Variants in BABAM2 observed in about 807,000 individuals in gnomAD.
The protein encoded by BABAM2 is BRISC and BRCA1 A complex member 2.
BABAM2 carries 31 observed loss-of-function variants against 54.7 expected under a neutral mutation model. The observed-to-expected ratio is 0.57, with a 90% CI of 0.43 to 0.77. BABAM2 has a LOEUF of 0.77. BABAM2 is among the 30% of genes least tolerant of loss of function. The pLI is 0.00. For missense variants in BABAM2, 364 were observed against 455.8 expected (o/e 0.80, Z 1.83); for synonymous variants, 167 against 162.9 (o/e 1.03, Z -0.19).
chr2:27,953,621 A>G (rs1669899669), intron 3 of BABAM2, among the ~76,000 whole-genome samples: 1 of 151,888 alleles, frequency 6.6e-6, no homozygotes, highest in South Asian at 2.1e-4. Context: ...CATCTACATT[A>G]ATATCATTAC....
At position 27,969,299 on chromosome 2, in the gene BABAM2, C is replaced by T. The variant is rs572877576; in HGVS notation, c.206-18694C>T. On this transcript the variant is annotated intron_variant, in intron 3 of 11. Transcript: ENST00000379624. ...ATCTTGGGTATGTCTTTATCAGCAG[C>T]ATGAAAACGGACTAATATAGGAGGT... Among the ~76,000 whole-genome samples, 9 of 152,154 alleles carry T rather than the reference C, an allele frequency of 5.9e-5. No homozygotes were observed. In the East Asian group the frequency reaches 1.7e-3, roughly 29 times the overall value.
At chr2:28,107,718 A>G (rs1479641593) in intron 6 of BABAM2, among the ~76,000 whole-genome samples, 1 of 152,084 alleles carries the variant, frequency 6.6e-6, no homozygotes, top group African/African-American at 2.4e-5. Flanking sequence ...ATATGCCTTT[A>G]TTGTAACAAT....
At chr2:28,058,766 A>T (rs1255511453) in intron 6 of BABAM2, among the ~76,000 whole-genome samples, 9 of 152,192 alleles carry the variant, frequency 5.9e-5, no homozygotes, top group African/African-American at 2.2e-4. Flanking sequence ...AGCTGACAGA[A>T]TAATCATATA....
At chr2:27,893,853 G>A (rs1665057853) in intron 1 of BABAM2, among the ~76,000 whole-genome samples, 1 of 152,028 alleles carries the variant, frequency 6.6e-6, no homozygotes, top group Non-Finnish European at 1.5e-5. Flanking sequence ...AATTAGCTGG[G>A]CGTGGTGGCA....
chr2:28,004,864 A>G (rs1489285315), intron 4 of BABAM2, among the ~76,000 whole-genome samples: 1 of 152,108 alleles, frequency 6.6e-6, no homozygotes, highest in Admixed American at 6.5e-5. Context: ...TTTTAAAAAG[A>G]CTTATTTATT....
rs921594035 is a variant in BABAM2, at chr2:28,246,115, G to A, written c.934+1253G>A. Reference sequence around the variant, plus strand: ...TGCCCAACAATCACCACTTTTCAAGGTGTCAGGCACCTTGTCACCATCATA... The same window carrying A: ...TGCCCAACAATCACCACTTTTCAAGATGTCAGGCACCTTGTCACCATCATA... On this transcript the variant is annotated intron_variant, in intron 10 of 11. Coordinates refer to ENST00000379624, the MANE Select transcript of BABAM2 (RefSeq NM_199191.3). Among the ~76,000 whole-genome samples, 37 of 152,094 alleles carry A rather than the reference G, an allele frequency of 2.4e-4. 1 individual carries two copies. The highest frequency in any genetic ancestry group is 8.5e-4 in the African/African-American group (35 of 41,414).
intron 7 of BABAM2, among the ~76,000 whole-genome samples, chr2:28,171,002 C>G (rs1464394691): frequency 6.6e-6 from 1 of 152,158 alleles, no homozygotes; most frequent in Non-Finnish European, 1.5e-5. Flanking sequence ...CAGAGGCAGT[C>G]AGTTATGTAT....
intron 7 of BABAM2, among the ~76,000 whole-genome samples, chr2:28,206,807 TTAC>T (rs1678894203): frequency 6.6e-6 from 1 of 152,190 alleles, no homozygotes; most frequent in Admixed American, 6.5e-5. Context: ...TTGCCAGTGT[TTAC>T]TACTCTTACA....
chr2:28,328,618 T>C (rs187239240), intron 11 of BABAM2, among the ~76,000 whole-genome samples: 118 of 152,314 alleles, frequency 7.7e-4, no homozygotes, highest in Middle Eastern at 3.4e-3. Context: ...ACTGTTAGGC[T>C]CTTGCCAAAT....
intron 5 of BABAM2, among the ~76,000 whole-genome samples, chr2:28,044,160 A>G (rs1027529196): frequency 6.6e-6 from 1 of 152,226 alleles, no homozygotes; most frequent in East Asian, 1.9e-4. Flanking sequence ...TATTATTATT[A>G]TCTTCAGAGC....
intron 7 of BABAM2, among the ~76,000 whole-genome samples, chr2:28,198,672 C>G (rs1677906200): frequency 6.6e-6 from 1 of 152,146 alleles, no homozygotes; most frequent in South Asian, 2.1e-4. Context: ...GAGCCTGGGC[C>G]TGTGTTGCCC....
At chr2:28,161,902 T>C (rs1401129548) in intron 7 of BABAM2, among the ~76,000 whole-genome samples, 1 of 152,054 alleles carries the variant, frequency 6.6e-6, no homozygotes, top group Admixed American at 6.6e-5. Flanking sequence ...AGAAATGGAC[T>C]CTGATAGATA....
rs186906989 is a variant in BABAM2, at chr2:28,248,923, G to A, written c.934+4061G>A. On this transcript the variant is annotated intron_variant, in intron 10 of 11. Transcript: ENST00000379624. ...ACCTACTGCATGCTCAGTACTATGC[G>A]AGGTATTAGGGGATATAAGTATATA... Among the ~76,000 whole-genome samples the A allele has an allele frequency of 3.5e-3, 527 of 152,106 alleles. 2 individuals are homozygous for A. The highest frequency in any genetic ancestry group is 0.012 in the African/African-American group (504 of 41,488).
intron 10 of BABAM2, 79 bp from the exon 11 acceptor site, chr2:28,298,259 C>T: frequency 6.9e-7 from 1 of 1,456,576 alleles, no homozygotes; most frequent in Non-Finnish European, 9.4e-7. Flanking sequence ...TCGTACCTAA[C>T]ATTCGGATTT....
chr2:28,306,690 A>G (rs1344882804), intron 11 of BABAM2, among the ~76,000 whole-genome samples: 1 of 150,126 alleles, frequency 6.7e-6, no homozygotes, highest in African/African-American at 2.5e-5. Context: ...TTTCTTTTTT[A>G]TTTTTTTATT....
chr2:27,960,323 A>G (rs988687674), intron 3 of BABAM2, among the ~76,000 whole-genome samples: 8 of 152,204 alleles, frequency 5.3e-5, no homozygotes, highest in African/African-American at 1.9e-4. Flanking sequence ...AGTATAAGGC[A>G]TAGTCCAAGA....
upstream of BABAM2, chr2:27,890,600 G>A (rs1664731521): frequency 2.2e-6 from 1 of 458,624 alleles, no homozygotes. The surrounding 1 kb of genome is among the most constrained non-coding windows in gnomAD (Gnocchi z 4.8). Flanking sequence ...CACTCACGGG[G>A]CAGGCGCTGA....
intron 7 of BABAM2, among the ~76,000 whole-genome samples, chr2:28,157,286 A>G (rs1475736899): frequency 6.6e-6 from 1 of 152,230 alleles, no homozygotes; most frequent in Non-Finnish European, 1.5e-5. Context: ...TGAGACTCCT[A>G]GCAACACCCT....
chr2:27,983,589 A>G (rs922484124), intron 3 of BABAM2, among the ~76,000 whole-genome samples: 70 of 152,080 alleles, frequency 4.6e-4, no homozygotes, highest in African/African-American at 1.6e-3. Context: ...TAGTTGACAA[A>G]CATGAGATGT....
Sources: allele counts gnomAD v4.1 joint callset (sites outside exome capture counted in the v4.1 genomes callset), GRCh38; gene constraint gnomAD v4.1.1; non-coding constraint Gnocchi (gnomAD v3.1); transcripts MANE v1.5; gene names NCBI Gene and HGNC (gene_info 2026-07-23, HGNC 2026-07-21).